Variants in NEGR1 observed in about 807,000 individuals in gnomAD.
NEGR1 encodes the protein IgLON family member 4.
NEGR1 carries 10 observed loss-of-function variants against 40.9 expected under a neutral mutation model. The ratio of observed to expected loss-of-function variants is 0.24; its 90% CI spans 0.15 to 0.42. NEGR1 has a LOEUF of 0.42. Among genes scored for constraint, NEGR1 ranks in the 10% least tolerant of loss-of-function variants. NEGR1 has a pLI of 1.00. For missense variants in NEGR1, 352 were observed against 438.9 expected (o/e 0.80, Z 1.77); for synonymous variants, 185 against 166.8 (o/e 1.11, Z -0.84).
chr1:71,419,863 T>A (rs1646382231), intron 6 of NEGR1, among the ~76,000 whole-genome samples: 1 of 143,374 alleles, frequency 7.0e-6, no homozygotes. Context: ...CACAAAAAAA[T>A]CAGATATTAG....
At chr1:71,554,337 C>A (rs1013488609) in intron 6 of NEGR1, among the ~76,000 whole-genome samples, 9 of 150,134 alleles carry the variant, frequency 6.0e-5, no homozygotes, top group African/African-American at 2.2e-4. Context: ...TTGGAGACAT[C>A]TTTTTTTTTA....
At chr1:72,054,049 T>A (rs1385453294) in intron 1 of NEGR1, among the ~76,000 whole-genome samples, 1 of 151,264 alleles carries the variant, frequency 6.6e-6, no homozygotes, top group African/African-American at 2.4e-5. Context: ...CTAGACTTAA[T>A]TAGCTCTGGG....
chr1:72,167,226 C>T (rs1651800905), intron 1 of NEGR1, among the ~76,000 whole-genome samples: 1 of 152,068 alleles, frequency 6.6e-6, no homozygotes, highest in Non-Finnish European at 1.5e-5. Flanking sequence ...AAAATCAAAG[C>T]CACCTTCCAG....
intron 1 of NEGR1, among the ~76,000 whole-genome samples, chr1:72,215,124 C>G (rs565307718): frequency 3.9e-5 from 6 of 152,186 alleles, no homozygotes; most frequent in African/African-American, 1.4e-4. Context: ...AAAGGATTCC[C>G]TATTTAATAA....
intron 5 of NEGR1, among the ~76,000 whole-genome samples, chr1:71,593,700 T>C (rs1173130276): frequency 1.3e-5 from 2 of 152,176 alleles, no homozygotes; most frequent in African/African-American, 4.8e-5. Flanking sequence ...CACTCTGAAA[T>C]AGGCTGACAT....
At chr1:72,263,855 A>C (rs1398625384) in intron 1 of NEGR1, among the ~76,000 whole-genome samples, 2 of 151,584 alleles carry the variant, frequency 1.3e-5, no homozygotes, top group African/African-American at 4.8e-5. Flanking sequence ...TGTGGTGGGA[A>C]AAGATTAATT....
At chr1:71,962,290 C>T (rs1646171993) in intron 1 of NEGR1, among the ~76,000 whole-genome samples, 1 of 152,068 alleles carries the variant, frequency 6.6e-6, no homozygotes, top group African/African-American at 2.4e-5. Context: ...TTCGGTTTTA[C>T]ACAGATATGT....
chr1:71,729,741 T>A (rs1353012813), intron 3 of NEGR1, among the ~76,000 whole-genome samples: 1 of 152,082 alleles, frequency 6.6e-6, no homozygotes, highest in Non-Finnish European at 1.5e-5. Flanking sequence ...CTCAAGTGAT[T>A]CTTCCACCTC....
At position 71,400,049 on chromosome 1, in the gene NEGR1, G is replaced by C. The variant is rs1284832667; in HGVS notation, c.*7397C>G. On this transcript the variant is annotated 3_prime_UTR_variant, in exon 7 of 7. Coordinates refer to ENST00000357731, the MANE Select transcript of NEGR1 (RefSeq NM_173808.3). Reference sequence around the variant, plus strand: ...GGAGGTCTAAGTCTGCTGTGACTTAGTGTAAAGTTAACTCCTTTTTGAATG... The same window carrying C: ...GGAGGTCTAAGTCTGCTGTGACTTACTGTAAAGTTAACTCCTTTTTGAATG... The C allele has an allele frequency of 1.3e-5, 2 of 152,200 alleles. No individual in the cohort carries two copies. The highest frequency in any genetic ancestry group is 4.8e-5 in the African/African-American group (2 of 41,456). The allele number at this position is 152,200 out of a possible 1,614,324, so 9.4% of individuals were successfully genotyped here. A position where few individuals can be genotyped will look rare whatever the true frequency, so the allele number is the denominator to read the frequency against.
chr1:71,628,833 G>C (rs1650877290), intron 4 of NEGR1, among the ~76,000 whole-genome samples: 1 of 152,090 alleles, frequency 6.6e-6, no homozygotes, highest in African/African-American at 2.4e-5. Flanking sequence ...ATTTGGGTTG[G>C]TTCCAAGTCT....
intron 1 of NEGR1, among the ~76,000 whole-genome samples, chr1:72,222,024 G>A (rs144716005): frequency 0.013 from 1,977 of 152,078 alleles, 45 homozygotes; most frequent in African/African-American, 0.046. Context: ...GACTGACCCT[G>A]ACACTGGGCT....
intron 1 of NEGR1, among the ~76,000 whole-genome samples, chr1:72,155,208 C>T (rs1651314650): frequency 6.6e-6 from 1 of 151,942 alleles, no homozygotes; most frequent in South Asian, 2.1e-4. Flanking sequence ...TTTTATCCCA[C>T]TAGTGGTTCC....
intron 1 of NEGR1, among the ~76,000 whole-genome samples, chr1:72,071,722 A>C (rs538807956): frequency 3.8e-4 from 58 of 152,148 alleles, no homozygotes; most frequent in African/African-American, 1.3e-3. Context: ...TCTACCACTG[A>C]AATATCTTTC....
At chr1:72,246,954 C>T (rs1419275824) in intron 1 of NEGR1, among the ~76,000 whole-genome samples, 1 of 152,248 alleles carries the variant, frequency 6.6e-6, no homozygotes, top group Non-Finnish European at 1.5e-5. Context: ...GCCGCCAAGG[C>T]TTATGTCTTG....
chr1:72,282,329 C>T lies in NEGR1; in HGVS notation c.166G>A (p.Ala56Thr). ...DNMMVRKGDT[A>T]VLRCYLEDGA... ...CGCCGTTCTTCCTACCTAAGCACCG[C>T]CGTGTCCCCTTTTCTGACCATCATG... Residue 56 changes from alanine (A) to threonine (T), a missense_variant, in exon 1 of 7, where the codon GCG (alanine) becomes ACG (threonine). Physicochemically the swap from Ala to Thr is moderately conservative, Grantham distance 58. Coordinates refer to ENST00000357731, the MANE Select transcript of NEGR1 (RefSeq NM_173808.3). The T allele has an allele frequency of 6.2e-7, 1 of 1,614,084 alleles. No homozygotes were observed. The highest frequency in any genetic ancestry group is 8.5e-7 in the Non-Finnish European group (1 of 1,179,992).
chr1:71,972,074 T>C (rs1398404259), intron 1 of NEGR1, among the ~76,000 whole-genome samples: 2 of 152,188 alleles, frequency 1.3e-5, no homozygotes, highest in Non-Finnish European at 2.9e-5. Flanking sequence ...ACATGCAGTG[T>C]AGTAATCACT....
intron 6 of NEGR1, among the ~76,000 whole-genome samples, chr1:71,581,291 C>T (rs955414416): frequency 2.6e-5 from 4 of 151,862 alleles, no homozygotes; most frequent in Admixed American, 6.6e-5. Context: ...AGTTCATTGT[C>T]GAGACTTAAG....
At chr1:71,707,382 T>C (rs1365527085) in intron 3 of NEGR1, among the ~76,000 whole-genome samples, 1 of 152,036 alleles carries the variant, frequency 6.6e-6, no homozygotes, top group Non-Finnish European at 1.5e-5. Flanking sequence ...ATGGCCAAGG[T>C]TGGTGGTGGC....
intron 1 of NEGR1, among the ~76,000 whole-genome samples, chr1:72,100,093 G>C: frequency 6.6e-6 from 1 of 152,096 alleles, no homozygotes; most frequent in East Asian, 1.9e-4. Flanking sequence ...AAGGACTAAA[G>C]TAACTTTTTA....
Sources: gnomAD v4.1 joint callset for allele counts (sites outside exome capture counted in the v4.1 genomes callset) on GRCh38, gnomAD v4.1.1 for gene constraint, MANE v1.5 for transcripts, NCBI Gene and HGNC (gene_info 2026-07-23, HGNC 2026-07-21) for gene names.